TNIP3: variants seen among roughly 807,000 people sequenced by gnomAD.
The protein encoded by TNIP3 is TNFAIP3-interacting protein 3.
A neutral mutation model predicts 54.1 loss-of-function variants in TNIP3; 34 were observed. The ratio of observed to expected loss-of-function variants is 0.63; its 90% confidence interval spans 0.48 to 0.84. The LOEUF (loss-of-function observed/expected upper bound fraction) is 0.84, where lower values mean the gene tolerates loss of function less well. TNIP3 is among the 40% of genes least tolerant of loss of function. TNIP3 has a pLI of 0.00. For synonymous variants in TNIP3, 134 were observed against 136.8 expected, an observed-to-expected ratio of 0.98 and a Z score of 0.14; for missense variants, 366 against 387.6, an observed-to-expected ratio of 0.94 and a Z score of 0.47.
At chr4:121,162,704 C>A (rs773618723) in intron 1 of TNIP3, among the ~76,000 whole-genome samples, 1 of 152,198 alleles carries the variant, frequency 6.6e-6, no homozygotes, top group Admixed American at 6.5e-5. Context: ...TCAAAGTCAC[C>A]GTTAAGCTTG....
chr4:121,218,036 T>A (rs1726873998), upstream of TNIP3, among the ~76,000 whole-genome samples: 1 of 152,168 alleles, frequency 6.6e-6, no homozygotes, highest in Non-Finnish European at 1.5e-5. Context: ...CTCCTAGTCA[T>A]GATCTTCCAT....
chr4:121,216,751 A>C, upstream of TNIP3: 2 of 656,652 alleles, frequency 3.0e-6, no homozygotes, highest in Non-Finnish European at 4.6e-6. Context: ...GAAGAATCTC[A>C]TGACAGGGAG....
At chr4:121,137,225 T>G (rs1728839178) in intron 10 of TNIP3, among the ~76,000 whole-genome samples, 1 of 152,206 alleles carries the variant, frequency 6.6e-6, no homozygotes, top group South Asian at 2.1e-4. Flanking sequence ...ATATCTTTAA[T>G]AGTCATTCCA....
chr4:121,134,771 A>T (rs187855082), intron 10 of TNIP3, among the ~76,000 whole-genome samples: 1 of 152,260 alleles, frequency 6.6e-6, no homozygotes, highest in South Asian at 2.1e-4. Context: ...CCCTTCACTG[A>T]TGTCCCCATC....
chr4:121,181,319 C>T (rs905681314), intron 3 of TNIP3, among the ~76,000 whole-genome samples: 4 of 152,130 alleles, frequency 2.6e-5, no homozygotes. Flanking sequence ...GGAAAAAGCA[C>T]ATATTTCCAT....
chr4:121,226,844 G>A (rs886600203), intron 1 of TNIP3, among the ~76,000 whole-genome samples: 5 of 152,134 alleles, frequency 3.3e-5, no homozygotes, highest in African/African-American at 9.7e-5. Context: ...CTTTTAGAAT[G>A]TTTTATGCTC....
intron 3 of TNIP3, among the ~76,000 whole-genome samples, chr4:121,179,474 A>G (rs1236945593): frequency 1.3e-5 from 2 of 152,216 alleles, no homozygotes; most frequent in Admixed American, 6.5e-5. Context: ...GACAGAAGCT[A>G]TATCTTGGAG....
rs910393574 is a variant in TNIP3 at position 121,216,493 on chromosome 4, C to T, written c.-11G>A. 8.5e-6 allele frequency: 13 copies of T among 1,535,548 alleles called. No individual in the cohort carries two copies. In the African/African-American group the frequency reaches 1.6e-4, roughly 19 times the overall value. On this transcript the variant is annotated 5_prime_UTR_variant, in exon 2 of 13. Transcript: ENST00000507879. ...CTCATTTTTGTTCATGAGCCATCCA[C>T]ATGGAATCTAAAATAAAAAAATATG... is the stretch of plus-strand genomic sequence containing the variant.
chr4:121,210,112 C>T (rs1268686549), intron 2 of TNIP3, among the ~76,000 whole-genome samples: 1 of 152,140 alleles, frequency 6.6e-6, no homozygotes, highest in Non-Finnish European at 1.5e-5. Context: ...AGTGGATGCT[C>T]TTCACTTCTA....
At chr4:121,209,922 A>G (rs1008794727) in intron 2 of TNIP3, among the ~76,000 whole-genome samples, 24 of 152,330 alleles carry the variant, frequency 1.6e-4, no homozygotes, top group Admixed American at 3.3e-4. Flanking sequence ...AGTAATGTAT[A>G]GAGTTTTGCT....
chr4:121,224,395 G>T (rs1012016712), intron 1 of TNIP3, among the ~76,000 whole-genome samples: 23 of 151,648 alleles, frequency 1.5e-4, no homozygotes, highest in Admixed American at 5.3e-4. Context: ...AAAAGAAAAA[G>T]AAAAGTTGAG....
At chr4:121,226,706 C>A (rs939400414) in intron 1 of TNIP3, among the ~76,000 whole-genome samples, 2 of 152,212 alleles carry the variant, frequency 1.3e-5, no homozygotes, top group Non-Finnish European at 2.9e-5. Flanking sequence ...TAAAATGAAC[C>A]TTCCTTGCAG....
chr4:121,133,610 A>T (rs1728608339), intron 10 of TNIP3, among the ~76,000 whole-genome samples: 1 of 152,212 alleles, frequency 6.6e-6, no homozygotes, highest in South Asian at 2.1e-4. Context: ...ACAGGCATAG[A>T]ATTAAAGATC....
chr4:121,133,297 CTTG>C (rs1728585741), intron 10 of TNIP3, among the ~76,000 whole-genome samples: 3 of 152,162 alleles, frequency 2.0e-5, no homozygotes, highest in Non-Finnish European at 1.5e-5. Flanking sequence ...ATGTTTTGTA[CTTG>C]TTGTCCTCAT....
chr4:121,143,990 AC>A (rs1156910336), intron 7 of TNIP3, among the ~76,000 whole-genome samples: 6 of 152,184 alleles, frequency 3.9e-5, no homozygotes, highest in African/African-American at 1.4e-4. Flanking sequence ...CAAAAAGAAC[AC>A]TAGGAATGTG....
At chr4:121,202,419 TG>T (rs1369846738) in intron 2 of TNIP3, among the ~76,000 whole-genome samples, 1 of 152,140 alleles carries the variant, frequency 6.6e-6, no homozygotes, top group Non-Finnish European at 1.5e-5. Context: ...CAACTCAAGA[TG>T]GAGCAAAGAC....
intron 5 of TNIP3, among the ~76,000 whole-genome samples, chr4:121,151,796 G>A (rs569486920): frequency 1.3e-5 from 2 of 152,146 alleles, no homozygotes; most frequent in Admixed American, 6.5e-5. Context: ...ATAAATGAAA[G>A]ATGAGTCTAA....
At chr4:121,163,077 T>A (rs1303060993) in intron 1 of TNIP3, among the ~76,000 whole-genome samples, 2 of 152,212 alleles carry the variant, frequency 1.3e-5, no homozygotes, top group African/African-American at 4.8e-5. Flanking sequence ...ATACCAAATC[T>A]GCAAGAGGCT....
Position 121,147,264 on chromosome 4 carries a change from A to G in TNIP3, c.610-90T>C, listed in dbSNP as rs572563663. On this transcript the variant is annotated intron_variant, in intron 6 of 10. Coordinates refer to ENST00000057513, the MANE Select transcript of TNIP3 (RefSeq NM_024873.6). ...ATTTTAAATGACTGCTGCCTACTCCATTATTGTAAAGAACCCTCCCAACTA... is the reference window on the plus strand; with the variant it reads ...ATTTTAAATGACTGCTGCCTACTCCGTTATTGTAAAGAACCCTCCCAACTA... The G allele has an allele frequency of 2.6e-5, 38 of 1,473,344 alleles. No homozygotes were observed. The African/African-American group carries it at 4.3e-4, about 16-fold the overall frequency. The allele number at this position is 1,473,344 out of a possible 1,614,324, so 91.3% of individuals were successfully genotyped here.
Sources: allele counts gnomAD v4.1 joint callset (sites outside exome capture counted in the v4.1 genomes callset), GRCh38; gene constraint gnomAD v4.1.1; transcripts MANE v1.5; gene names NCBI Gene and HGNC (gene_info 2026-07-23, HGNC 2026-07-21).